The following PARD3B variants were observed in gnomAD, a reference collection of about 807,000 sequenced individuals.
PARD3B encodes par-3 family cell polarity regulator beta.
Under a neutral mutation model 130.2 loss-of-function variants are expected in PARD3B, and 103 were observed. That is an observed-to-expected ratio of 0.79 (90% CI 0.67 to 0.93). The LOEUF is 0.93. Among genes scored for constraint, PARD3B ranks in the 40% least tolerant of loss-of-function variants. The pLI is 0.00. For synonymous variants in PARD3B, 583 were observed against 553.2 expected (o/e 1.05, Z -0.76); for missense variants, 1,609 against 1,499.2 (o/e 1.07, Z -1.21).
intron 2 of PARD3B, among the ~76,000 whole-genome samples, chr2:204,874,445 A>G (rs1356425926): frequency 6.6e-6 from 1 of 152,254 alleles, no homozygotes; most frequent in East Asian, 1.9e-4. Context: ...CATTCACCTC[A>G]AAAGACAATT....
At chr2:204,809,643 G>A (rs1473466301) in intron 2 of PARD3B, among the ~76,000 whole-genome samples, 1 of 152,082 alleles carries the variant, frequency 6.6e-6, no homozygotes, top group Non-Finnish European at 1.5e-5. Context: ...GGTTATTGTA[G>A]CCCCATAGTA....
intron 4 of PARD3B, among the ~76,000 whole-genome samples, chr2:205,054,436 A>ATTTTTTT (rs769918623): frequency 1.4e-4 from 4 of 28,440 alleles, no homozygotes; most frequent in Admixed American, 7.1e-4. Context: ...ATATATATAT[A>ATTTTTTT]TTTTTTTTTT....
chr2:205,398,472 G>T (rs1305590035), intron 18 of PARD3B, among the ~76,000 whole-genome samples: 1 of 152,176 alleles, frequency 6.6e-6, no homozygotes, highest in East Asian at 1.9e-4. Flanking sequence ...GATAGCATTA[G>T]AGCTGACAGT....
At position 205,325,959 on chromosome 2, in the gene PARD3B, T is replaced by C. The variant is rs904513978; in HGVS notation, c.2630+24258T>C. On this transcript the variant is annotated intron_variant, in intron 18 of 22. Transcript: ENST00000406610. The surrounding 1 kb of genome is among the most constrained non-coding windows in gnomAD (Gnocchi z 4.1). ...CATTGCCTGTGTATCTTAATGTGAA[T>C]ATCATGTACTGTTTTATCAAGCTTT... 4.6e-5 allele frequency among the ~76,000 whole-genome samples: 7 copies of C among 152,180 alleles called. No individual in the cohort carries two copies. The highest frequency in any genetic ancestry group is 1.4e-4 in the African/African-American group (6 of 41,452).
Position 204,834,080 on chromosome 2 carries a change from A to AT in PARD3B, c.223-131062dup, listed in dbSNP as rs375375135. On this transcript the variant is annotated intron_variant, in intron 2 of 22. Coordinates refer to ENST00000406610, the MANE Select transcript of PARD3B (RefSeq NM_001302769.2). ...ACACCCTTCTGCTCTCATATGCAAT[A>AT]TTTTTTTTTTAGGAACTACCTTGGC... Among the ~76,000 whole-genome samples, 308 of 150,136 alleles carry AT rather than the reference A, an allele frequency of 2.1e-3. 1 individual carries two copies. The highest frequency in any genetic ancestry group is 3.5e-3 in the Non-Finnish European group (238 of 67,324).
chr2:205,088,411 T>C (rs1398618052), intron 4 of PARD3B, among the ~76,000 whole-genome samples: 1 of 152,216 alleles, frequency 6.6e-6, no homozygotes, highest in Non-Finnish European at 1.5e-5. Context: ...GTTATATTTC[T>C]TTTTTAAAAT....
chr2:205,515,290 TGCTGC>T (rs2050749218), intron 21 of PARD3B, among the ~76,000 whole-genome samples: 1 of 152,230 alleles, frequency 6.6e-6, no homozygotes, highest in African/African-American at 2.4e-5. Context: ...TTGTGAATAG[TGCTGC>T]AATAAACATT....
intron 3 of PARD3B, among the ~76,000 whole-genome samples, chr2:204,979,801 A>T (rs916535079): frequency 6.6e-6 from 1 of 152,192 alleles, no homozygotes; most frequent in Admixed American, 6.5e-5. Flanking sequence ...AAAAAATTTA[A>T]TATCCCTACC....
chr2:204,674,704 A>C (rs2036454742), intron 1 of PARD3B, among the ~76,000 whole-genome samples: 1 of 152,164 alleles, frequency 6.6e-6, no homozygotes, highest in African/African-American at 2.4e-5. Flanking sequence ...TTGATCCATA[A>C]AACTGTGTTC....
intron 2 of PARD3B, among the ~76,000 whole-genome samples, chr2:204,713,626 T>A (rs1332215109): frequency 1.3e-5 from 2 of 152,086 alleles, no homozygotes; most frequent in Non-Finnish European, 2.9e-5. Context: ...ATTTGGCTAT[T>A]CTAAGTACCT....
At chr2:204,813,329 T>G (rs2043029741) in intron 2 of PARD3B, among the ~76,000 whole-genome samples, 1 of 152,178 alleles carries the variant, frequency 6.6e-6, no homozygotes, top group South Asian at 2.1e-4. Context: ...TATATTTTCT[T>G]TGGTAAAGAG....
At chr2:205,346,183 ATAAAT>A (rs1212940012) in intron 18 of PARD3B, among the ~76,000 whole-genome samples, 9 of 143,256 alleles carry the variant, frequency 6.3e-5, no homozygotes, top group African/African-American at 2.1e-4. Flanking sequence ...AAATAAATAA[ATAAAT>A]AAATAAATAA....
chr2:205,561,041 A>T (rs893817517), intron 22 of PARD3B, among the ~76,000 whole-genome samples: 1 of 152,186 alleles, frequency 6.6e-6, no homozygotes, highest in African/African-American at 2.4e-5. Flanking sequence ...GTCCAATCAC[A>T]AGTGCGCAGG....
chr2:205,374,556 T>G (rs890813925), intron 18 of PARD3B, among the ~76,000 whole-genome samples: 1 of 152,198 alleles, frequency 6.6e-6, no homozygotes, highest in South Asian at 2.1e-4. Context: ...TTTTATATAT[T>G]TCTTTCAGTC....
intron 2 of PARD3B, among the ~76,000 whole-genome samples, chr2:204,724,349 T>A (rs1342642596): frequency 6.6e-6 from 1 of 152,198 alleles, no homozygotes; most frequent in East Asian, 1.9e-4. Flanking sequence ...TGTCTTCAAA[T>A]CTTACGGTTG....
intron 21 of PARD3B, among the ~76,000 whole-genome samples, chr2:205,537,500 C>T (rs1296810242): frequency 6.6e-6 from 1 of 152,214 alleles, no homozygotes; most frequent in African/African-American, 2.4e-5. Context: ...AGGTGAGCAT[C>T]TCTCTGAACA....
chr2:205,422,328 C>A (rs1442851471), intron 19 of PARD3B, among the ~76,000 whole-genome samples: 1 of 152,136 alleles, frequency 6.6e-6, no homozygotes, highest in Non-Finnish European at 1.5e-5. Flanking sequence ...CGTCACAGAT[C>A]ATCGTAGGGA....
At chr2:205,092,222 C>T (rs923777322) in intron 4 of PARD3B, among the ~76,000 whole-genome samples, 1 of 152,002 alleles carries the variant, frequency 6.6e-6, no homozygotes, top group African/African-American at 2.4e-5. Flanking sequence ...GAAGGACCAA[C>T]TTGGAGACTC....
At chr2:204,860,501 A>G (rs911219187) in intron 2 of PARD3B, among the ~76,000 whole-genome samples, 4 of 152,226 alleles carry the variant, frequency 2.6e-5, no homozygotes, top group East Asian at 1.9e-4. Context: ...TTGGCTACCA[A>G]TGCTAAGAGT....
Sources: gnomAD v4.1 joint callset for allele counts (sites outside exome capture counted in the v4.1 genomes callset) on GRCh38, gnomAD v4.1.1 for gene constraint, Gnocchi (gnomAD v3.1) non-coding constraint, MANE v1.5 for transcripts, NCBI Gene and HGNC (gene_info 2026-07-23, HGNC 2026-07-21) for gene names.